The following PHKB variants were observed in gnomAD, a reference collection of about 807,000 sequenced individuals.
PHKB encodes phosphorylase b kinase regulatory subunit beta.
Under a neutral mutation model 152.1 loss-of-function variants are expected in PHKB, and 122 were observed. The ratio of observed to expected loss-of-function variants is 0.80; its 90% confidence interval spans 0.69 to 0.93. PHKB has a LOEUF of 0.93. PHKB is among the 40% of genes least tolerant of loss of function. PHKB has a pLI of 0.00. For missense variants in PHKB, 1,304 were observed against 1,328.4 expected, an observed-to-expected ratio of 0.98 and a Z score of 0.29; for synonymous variants, 436 against 464.9, an observed-to-expected ratio of 0.94 and a Z score of 0.80.
At chr16:47,606,779 G>A (rs1972332517) in intron 13 of PHKB, among the ~76,000 whole-genome samples, 1 of 152,126 alleles carries the variant, frequency 6.6e-6, no homozygotes, top group African/African-American at 2.4e-5. Flanking sequence ...TCCTGCTGTA[G>A]TGAGTGAGCC....
intron 8 of PHKB, among the ~76,000 whole-genome samples, chr16:47,581,800 C>T (rs1971851491): frequency 6.6e-6 from 1 of 152,134 alleles, no homozygotes; most frequent in South Asian, 2.1e-4. Context: ...CTGCCTCGGA[C>T]CCCCGAGTAG....
intron 7 of PHKB, among the ~76,000 whole-genome samples, chr16:47,567,594 C>G (rs1971591505): frequency 6.6e-6 from 1 of 152,166 alleles, no homozygotes; most frequent in African/African-American, 2.4e-5. Context: ...GTGATGAAAG[C>G]AGGCATTCTT....
chr16:47,530,361 A>T (rs952237593), intron 6 of PHKB, among the ~76,000 whole-genome samples: 3 of 152,030 alleles, frequency 2.0e-5, no homozygotes, highest in South Asian at 4.1e-4. Flanking sequence ...GGTTTTGCCC[A>T]GACTGTTTTT....
chr16:47,603,100 T>A (rs1458505200), intron 13 of PHKB, among the ~76,000 whole-genome samples: 3 of 152,202 alleles, frequency 2.0e-5, no homozygotes, highest in Non-Finnish European at 4.4e-5. Flanking sequence ...ATCTAATGCT[T>A]TTTAAACTTA....
At position 47,461,401 on chromosome 16, in the gene PHKB, G is replaced by A. The variant is rs1329038539; in HGVS notation, c.51G>A (p.Glu17=). ...CAGAAGTGAGCTGGAAGGTCTTGGA[G>A]CGAAGAGCTCGGACCAAGCGCTCAG... is the stretch of plus-strand genomic sequence containing the variant. ...LTAEVSWKVL[E]RRARTKRSGS... is the part of the protein sequence containing the mutation. Residue 17 remains glutamate (E), a synonymous_variant, in exon 1 of 31, where the codon GAG becomes GAA. Transcript: ENST00000323584. 11 of 1,613,160 alleles carry A rather than the reference G, an allele frequency of 6.8e-6. No individual in the cohort carries two copies. The highest frequency in any genetic ancestry group is 1.3e-5 in the African/African-American group (1 of 74,926).
chr16:47,530,338 C>T (rs1970840837), intron 6 of PHKB, among the ~76,000 whole-genome samples: 1 of 151,890 alleles, frequency 6.6e-6, no homozygotes, highest in South Asian at 2.1e-4. Flanking sequence ...GTTTCGCCCA[C>T]CCAGTAGAGA....
chr16:47,634,672 A>G (rs1057094583), intron 14 of PHKB, among the ~76,000 whole-genome samples: 2 of 152,290 alleles, frequency 1.3e-5, no homozygotes, highest in Non-Finnish European at 2.9e-5. Flanking sequence ...TGCAACCTGG[A>G]GGAGAAAACA....
intron 1 of PHKB, among the ~76,000 whole-genome samples, chr16:47,475,305 A>G (rs1284570337): frequency 6.6e-6 from 1 of 152,194 alleles, no homozygotes; most frequent in Non-Finnish European, 1.5e-5. Flanking sequence ...TATTTTGAAG[A>G]TGGAAGTTGG....
intron 6 of PHKB, 48 bp downstream of exon 6, chr16:47,515,649 A>G (rs1970583164): frequency 1.2e-6 from 1 of 819,950 alleles, no homozygotes; most frequent in East Asian, 2.4e-5. Context: ...CTCTGAAAAT[A>G]TCTATTTTTT....
chr16:47,552,315 T>G (rs1971286699), intron 7 of PHKB, among the ~76,000 whole-genome samples: 1 of 152,240 alleles, frequency 6.6e-6, no homozygotes. Context: ...GTGTCGATGG[T>G]CTTTACCATT....
chr16:47,614,270 T>G (rs866694610), intron 14 of PHKB, among the ~76,000 whole-genome samples: 1 of 152,190 alleles, frequency 6.6e-6, no homozygotes, highest in Non-Finnish European at 1.5e-5. Context: ...TCCACCTCCA[T>G]GATCCAATCA....
chr16:47,647,896 A>G (rs1426846326), intron 16 of PHKB, among the ~76,000 whole-genome samples: 1 of 152,216 alleles, frequency 6.6e-6, no homozygotes, highest in Admixed American at 6.5e-5. Context: ...ACACATATTG[A>G]CCTGTGTATA....
At chr16:47,597,670 T>C (rs901712571) in intron 13 of PHKB, 2 of 150,154 alleles carry the variant, frequency 1.3e-5, no homozygotes, top group Admixed American at 6.6e-5. Flanking sequence ...TTTTCTTTTT[T>C]CTTTTTTCTT....
At chr16:47,640,782 C>T (rs1973004354) in intron 14 of PHKB, among the ~76,000 whole-genome samples, 1 of 152,156 alleles carries the variant, frequency 6.6e-6, no homozygotes, top group Admixed American at 6.5e-5. Context: ...ATAGCCCTGA[C>T]AGGCTAGCCC....
chr16:47,605,536 G>A lies in PHKB; in HGVS notation c.1364-5290G>A, dbSNP rs762205798. Among the ~76,000 whole-genome samples, 15 of 152,112 alleles carry A rather than the reference G, an allele frequency of 9.9e-5. No individual in the cohort carries two copies. The East Asian group carries it at 1.9e-3, about 20-fold the overall frequency. ...ATAGCATGACAGTGAAAACTTGTTCGTTTTAGAAATTTTTTCACATCTCAG... is the reference window on the plus strand; with the variant it reads ...ATAGCATGACAGTGAAAACTTGTTCATTTTAGAAATTTTTTCACATCTCAG... On this transcript the variant is annotated intron_variant, in intron 13 of 30. Coordinates refer to ENST00000323584, the MANE Select transcript of PHKB (RefSeq NM_000293.3).
chr16:47,633,490 G>A (rs998012459), intron 14 of PHKB, among the ~76,000 whole-genome samples: 10 of 152,158 alleles, frequency 6.6e-5, no homozygotes, highest in African/African-American at 2.4e-4. Context: ...ATGGCATGAG[G>A]TGATCCAAGA....
At chr16:47,606,101 G>A (rs558865494) in intron 13 of PHKB, among the ~76,000 whole-genome samples, 110 of 152,314 alleles carry the variant, frequency 7.2e-4, no homozygotes, top group East Asian at 1.7e-3. Flanking sequence ...CAGAGGCAGC[G>A]GTGGCTCTGG....
At chr16:47,558,592 C>G (rs1176236097) in intron 7 of PHKB, among the ~76,000 whole-genome samples, 1 of 152,204 alleles carries the variant, frequency 6.6e-6, no homozygotes, top group Non-Finnish European at 1.5e-5. Context: ...CTCTGTTGCT[C>G]TGGCTGGAGT....
At position 47,650,823 on chromosome 16, in the gene PHKB, T is replaced by G; in HGVS notation, c.1881-8T>G. On this transcript the variant is annotated splice_polypyrimidine_tract_variant and splice_region_variant and intron_variant, in intron 19 of 30. Coordinates refer to ENST00000323584, the MANE Select transcript of PHKB (RefSeq NM_000293.3). ...AATCTGTACATTTTGTTTATTTATATTTTTTAGAGGTAGCCGGTTCAACCC... is the reference window on the plus strand; with the variant it reads ...AATCTGTACATTTTGTTTATTTATAGTTTTTAGAGGTAGCCGGTTCAACCC... The G allele has an allele frequency of 6.3e-7, 1 of 1,599,782 alleles. No homozygotes were observed. Among genetic ancestry groups the G allele is most frequent in the Non-Finnish European group, 8.6e-7 (1 of 1,167,284 alleles).
Sources: gnomAD v4.1 joint callset for allele counts (sites outside exome capture counted in the v4.1 genomes callset) on GRCh38, gnomAD v4.1.1 for gene constraint, MANE v1.5 for transcripts, NCBI Gene and HGNC (gene_info 2026-07-23, HGNC 2026-07-21) for gene names.